The following BBS9 variants were observed in gnomAD, a reference collection of about 807,000 sequenced individuals.
BBS9 encodes protein PTHB1.
Under a neutral mutation model 117.7 loss-of-function variants are expected in BBS9, and 89 were observed. That is an observed-to-expected ratio of 0.76 (90% confidence interval 0.64 to 0.90). BBS9 has a LOEUF of 0.90. Among genes scored for constraint, BBS9 ranks in the 40% least tolerant of loss-of-function variants. The pLI, the probability that BBS9 is intolerant of heterozygous loss-of-function variation, is 0.00. For synonymous variants in BBS9, 379 were observed against 370.9 expected, an observed-to-expected ratio of 1.02 and a Z score of -0.25; for missense variants, 982 against 1,042.2, an observed-to-expected ratio of 0.94 and a Z score of 0.80.
rs572661124 is a variant in BBS9 at position 33,583,973 on chromosome 7, AT to A, written c.2522-20890del. On this transcript the variant is annotated intron_variant, in intron 21 of 22. Transcript: ENST00000242067. ...CACTTGATAGATATTAGCCATTGTCATTATTATTATTATTTCTATAATTATT... is the reference window on the plus strand; with the variant it reads ...CACTTGATAGATATTAGCCATTGTCATATTATTATTATTTCTATAATTATT... 1.5e-3 allele frequency among the ~76,000 whole-genome samples: 222 copies of A among 152,032 alleles called. 3 individuals carry two copies. The South Asian group carries it at 0.015, about 11-fold the overall frequency.
At chr7:33,197,444 G>A (rs1019756387) in intron 5 of BBS9, among the ~76,000 whole-genome samples, 46 of 151,934 alleles carry the variant, frequency 3.0e-4, no homozygotes, top group African/African-American at 9.6e-4. Flanking sequence ...CCCTTCCCCC[G>A]GGTCTCTCTT....
intron 4 of BBS9, among the ~76,000 whole-genome samples, chr7:33,165,959 C>T (rs1431836822): frequency 6.6e-6 from 1 of 152,156 alleles, no homozygotes; most frequent in East Asian, 1.9e-4. Flanking sequence ...TGGTTTCTCC[C>T]CATCTTTGTG....
At chr7:33,588,799 A>G (rs1254030458) in intron 21 of BBS9, among the ~76,000 whole-genome samples, 1 of 152,120 alleles carries the variant, frequency 6.6e-6, no homozygotes, top group Non-Finnish European at 1.5e-5. Flanking sequence ...CAGAGGGACA[A>G]GTGTTTCAGG....
intron 20 of BBS9, chr7:33,505,885 G>A (rs1237724284): frequency 5.6e-6 from 3 of 531,548 alleles, no homozygotes; most frequent in Non-Finnish European, 1.0e-5. Context: ...TACTTTTTAT[G>A]TGTTCTTCAA....
At chr7:33,293,993 G>A (rs1026760244) in intron 9 of BBS9, among the ~76,000 whole-genome samples, 4 of 151,920 alleles carry the variant, frequency 2.6e-5, no homozygotes, top group Admixed American at 6.6e-5. Flanking sequence ...CTAATGTGGG[G>A]CATCTTAAAG....
intron 21 of BBS9, among the ~76,000 whole-genome samples, chr7:33,567,259 A>G (rs1464718799): frequency 2.0e-5 from 3 of 152,192 alleles, no homozygotes; most frequent in Non-Finnish European, 4.4e-5. Flanking sequence ...TTCTCCCAGC[A>G]GCATTCAAAC....
At chr7:33,562,009 T>C (rs1257635354) in intron 21 of BBS9, among the ~76,000 whole-genome samples, 1 of 152,234 alleles carries the variant, frequency 6.6e-6, no homozygotes, top group Non-Finnish European at 1.5e-5. Flanking sequence ...TAGTCTGACC[T>C]TTTAGGAATA....
intron 1 of BBS9, among the ~76,000 whole-genome samples, chr7:33,130,520 ATTTTTTTGGGT>A (rs1789423660): frequency 6.6e-6 from 1 of 152,134 alleles, no homozygotes; most frequent in African/African-American, 2.4e-5. Context: ...GGAGAAATGT[ATTTTTTTGGGT>A]ATCTCACTTT....
chr7:33,294,282 C>T (rs1048220220), intron 9 of BBS9, among the ~76,000 whole-genome samples: 1 of 151,180 alleles, frequency 6.6e-6, no homozygotes, highest in Admixed American at 6.6e-5. Flanking sequence ...ATACTTCCAT[C>T]TATCTATCAT....
intron 19 of BBS9, among the ~76,000 whole-genome samples, chr7:33,401,800 GA>G (rs1380789899): frequency 1.3e-5 from 2 of 152,172 alleles, no homozygotes; most frequent in Non-Finnish European, 2.9e-5. Context: ...AAAAGGCCTG[GA>G]AAGGGAAGGG....
chr7:33,176,518 G>A (rs73095371), intron 4 of BBS9, among the ~76,000 whole-genome samples: 6,873 of 152,098 alleles, frequency 0.045, 211 homozygotes, highest in Non-Finnish European at 0.064. Context: ...ATTCTAAAAC[G>A]GAAATAAAAA....
chr7:33,142,843 G>T (rs1212199153), intron 1 of BBS9, among the ~76,000 whole-genome samples: 1 of 152,082 alleles, frequency 6.6e-6, no homozygotes, highest in African/African-American at 2.4e-5. Flanking sequence ...GTTTAGGTTG[G>T]TTCTGCCTCT....
chr7:33,224,057 T>C (rs7805100), intron 5 of BBS9, among the ~76,000 whole-genome samples: 5,721 of 152,302 alleles, frequency 0.038, 192 homozygotes, highest in African/African-American at 0.087. Context: ...TATTTACTTT[T>C]TGAGTGGGAA....
At chr7:33,479,831 TG>T (rs1271079846) in intron 19 of BBS9, among the ~76,000 whole-genome samples, 1 of 152,152 alleles carries the variant, frequency 6.6e-6, no homozygotes, top group East Asian at 1.9e-4. Flanking sequence ...TGATGTTGAG[TG>T]TTTTTTTATA....
chr7:33,532,375 C>A (rs1850716720), intron 20 of BBS9, among the ~76,000 whole-genome samples: 1 of 152,158 alleles, frequency 6.6e-6, no homozygotes, highest in Non-Finnish European at 1.5e-5. Context: ...TGTTCTCATG[C>A]AGCTATAAGG....
Position 33,565,815 on chromosome 7 carries a change from A to G in BBS9, c.2521+31639A>G, listed in dbSNP as rs1315087077. 1.5e-4 allele frequency among the ~76,000 whole-genome samples: 9 copies of G among 60,164 alleles called. 1 individual carries two copies. The highest frequency in any genetic ancestry group is 7.8e-4 in the African/African-American group (4 of 5,140). 39.5% of individuals were successfully genotyped at this position (60,164 alleles called of 152,430 possible). A position where few individuals can be genotyped will look rare whatever the true frequency, so the allele number is the denominator to read the frequency against. On this transcript the variant is annotated intron_variant, in intron 21 of 22. Transcript: ENST00000242067. ...TATATATATATATATATATATATAT[A>G]TATATATATATACCGCTATATATAC...
intron 19 of BBS9, among the ~76,000 whole-genome samples, chr7:33,459,946 ATCTT>A (rs1311941442): frequency 1.3e-5 from 2 of 152,192 alleles, no homozygotes; most frequent in Non-Finnish European, 2.9e-5. Flanking sequence ...TTCAAAATGA[ATCTT>A]TATAAGTTAA....
chr7:33,586,545 G>C (rs950796356), intron 21 of BBS9, among the ~76,000 whole-genome samples: 1 of 152,028 alleles, frequency 6.6e-6, no homozygotes, highest in Non-Finnish European at 1.5e-5. Context: ...CCATTACTGG[G>C]TATATATCCA....
Position 33,569,711 on chromosome 7 carries a change from G to A in BBS9, c.2522-35154G>A, listed in dbSNP as rs959589048. Among the ~76,000 whole-genome samples the A allele has an allele frequency of 3.2e-4, 49 of 152,074 alleles. 1 individual carries two copies. The highest frequency in any genetic ancestry group is 3.9e-4 in the East Asian group (2 of 5,190). On this transcript the variant is annotated intron_variant, in intron 21 of 22. Coordinates refer to ENST00000242067, the MANE Select transcript of BBS9 (RefSeq NM_198428.3). ...CGGGAGGAGGAAATTGCAATGAGCC[G>A]AGATCGCGCCACTGCACTCCAGCCT...
Sources: allele counts gnomAD v4.1 joint callset (sites outside exome capture counted in the v4.1 genomes callset), GRCh38; gene constraint gnomAD v4.1.1; transcripts MANE v1.5; gene names NCBI Gene and HGNC (gene_info 2026-07-23, HGNC 2026-07-21).